The following NELL2 variants were observed in gnomAD, a reference collection of about 807,000 sequenced individuals.
NELL2 encodes neural EGFL like 2.
A neutral mutation model predicts 109.6 loss-of-function variants in NELL2; 41 were observed. The observed-to-expected ratio is 0.37, with a 90% CI of 0.29 to 0.49. The LOEUF (loss-of-function observed/expected upper bound fraction) is 0.49. Among genes scored for constraint, NELL2 ranks in the 20% least tolerant of loss-of-function variants. The pLI, the probability that NELL2 is intolerant of heterozygous loss-of-function variation, is 0.98. For missense variants in NELL2, 900 were observed against 1,008.3 expected, an observed-to-expected ratio of 0.89 and a Z score of 1.45; for synonymous variants, 355 against 344.7, an observed-to-expected ratio of 1.03 and a Z score of -0.33.
intron 2 of NELL2, among the ~76,000 whole-genome samples, chr12:44,845,600 G>C (rs1944347051): frequency 6.6e-6 from 1 of 152,098 alleles, no homozygotes; most frequent in Admixed American, 6.5e-5. Flanking sequence ...GAGAAGCTGG[G>C]GTGAAAGGCA....
chr12:44,607,867 A>G (rs1945461101), intron 14 of NELL2, among the ~76,000 whole-genome samples: 1 of 152,130 alleles, frequency 6.6e-6, no homozygotes, highest in Non-Finnish European at 1.5e-5. Flanking sequence ...CCAAGACACT[A>G]TATAACCTGT....
At chr12:44,652,955 C>T (rs1283295556) in intron 13 of NELL2, among the ~76,000 whole-genome samples, 1 of 152,120 alleles carries the variant, frequency 6.6e-6, no homozygotes, top group Non-Finnish European at 1.5e-5. Context: ...GTCACATTTC[C>T]CTCTTAAGTT....
At chr12:44,726,374 A>G (rs1036895627) in intron 9 of NELL2, among the ~76,000 whole-genome samples, 4 of 152,140 alleles carry the variant, frequency 2.6e-5, no homozygotes, top group Admixed American at 2.6e-4. Context: ...ACTGAAACCC[A>G]AAAAAGTTTG....
Position 44,510,753 on chromosome 12 carries a change from C to T in NELL2, c.2401-1769G>A, listed in dbSNP as rs1468198063. The stretch of plus-strand genomic sequence containing the variant: ...CCAGCCCCTAACATATTCCTAGAGA[C>T]AGAACTGTTCGATTGAGACTTGTAG... On this transcript the variant is annotated intron_variant, in intron 19 of 19. Transcript: ENST00000429094. Among the ~76,000 whole-genome samples the T allele has an allele frequency of 7.2e-5, 11 of 152,150 alleles. No homozygotes were observed. In the East Asian group the frequency reaches 2.1e-3, roughly 29 times the overall value.
chr12:44,586,491 GAAT>G (rs1279886599), intron 15 of NELL2, among the ~76,000 whole-genome samples: 1 of 151,836 alleles, frequency 6.6e-6, no homozygotes, highest in Non-Finnish European at 1.5e-5. Context: ...CCTCTGCTCA[GAAT>G]AATAGTGTCT....
At chr12:44,802,394 T>C (rs1566430124) in intron 3 of NELL2, among the ~76,000 whole-genome samples, 1 of 152,112 alleles carries the variant, frequency 6.6e-6, no homozygotes, top group South Asian at 2.1e-4. Context: ...AGAAGAGTCA[T>C]ATCAGGATGA....
intron 3 of NELL2, among the ~76,000 whole-genome samples, chr12:44,794,607 C>T (rs1942553649): frequency 6.6e-6 from 1 of 152,112 alleles, no homozygotes; most frequent in Admixed American, 6.5e-5. Flanking sequence ...GGCATCACAG[C>T]CTCCCATTAG....
At chr12:44,814,057 C>G (rs889413109) in intron 3 of NELL2, among the ~76,000 whole-genome samples, 1 of 152,104 alleles carries the variant, frequency 6.6e-6, no homozygotes, top group Non-Finnish European at 1.5e-5. Context: ...TTAAGGTGTT[C>G]GACCCTGGGA....
intron 2 of NELL2, among the ~76,000 whole-genome samples, chr12:44,869,607 C>G (rs11609078): frequency 0.074 from 11,337 of 152,196 alleles, 550 homozygotes; most frequent in Admixed American, 0.12. Flanking sequence ...ACAAAAAAGG[C>G]TCCTCCATAG....
chr12:44,756,241 T>C (rs893358592), intron 9 of NELL2, among the ~76,000 whole-genome samples: 9 of 152,172 alleles, frequency 5.9e-5, no homozygotes, highest in Non-Finnish European at 8.8e-5. Flanking sequence ...CTGAATCCTA[T>C]GCTTTCTGCC....
chr12:44,876,159 G>T lies in NELL2; in HGVS notation c.-290C>A, dbSNP rs187475564. 1,498 of 1,258,334 alleles carry T rather than the reference G, an allele frequency of 1.2e-3. 28 individuals carry two copies. The East Asian group carries it at 0.032, about 27-fold the overall frequency. The allele number at this position is 1,258,334 out of a possible 1,614,324, so 77.9% of individuals were successfully genotyped here. ...GGAGGGGTCGGACTCGCCCCGGCGC[G>T]GCTCCGTCGGGGAATTAGCTCCCGA... On this transcript the variant is annotated 5_prime_UTR_variant, in exon 1 of 20. Coordinates refer to ENST00000429094, the MANE Select transcript of NELL2 (RefSeq NM_001145108.2).
intron 1 of NELL2, among the ~76,000 whole-genome samples, chr12:44,899,370 C>A (rs1420272208): frequency 6.6e-6 from 1 of 152,166 alleles, no homozygotes; most frequent in Non-Finnish European, 1.5e-5. Context: ...ACAGAAACAT[C>A]AGGTTACCCA....
rs934128691 is a variant in NELL2, at chr12:44,895,260, A to C, written c.38+18539T>G. Among the ~76,000 whole-genome samples, 3 of 152,212 alleles carry C rather than the reference A, an allele frequency of 2.0e-5. No homozygotes were observed. In the South Asian group the frequency reaches 6.2e-4, roughly 32 times the overall value. On this transcript the variant is annotated intron_variant, in intron 1 of 20. Transcript: ENST00000333837. The stretch of plus-strand genomic sequence containing the variant: ...TGTGAGTGAGCATCAGCTCTGGTCA[A>C]ATGATTATATGATGAGATAACAACA...
At chr12:44,516,544 CA>C (rs1941266058) in intron 19 of NELL2, among the ~76,000 whole-genome samples, 1 of 152,102 alleles carries the variant, frequency 6.6e-6, no homozygotes, top group Non-Finnish European at 1.5e-5. Flanking sequence ...TTTTAGTTTA[CA>C]ATTAAGGTTC....
chr12:44,617,196 A>G (rs569153019), intron 13 of NELL2, among the ~76,000 whole-genome samples: 1 of 152,286 alleles, frequency 6.6e-6, no homozygotes, highest in South Asian at 2.1e-4. Context: ...GACCACAACT[A>G]AATTTGAAAG....
intron 3 of NELL2, among the ~76,000 whole-genome samples, chr12:44,814,146 G>A (rs1943261832): frequency 6.6e-6 from 1 of 152,102 alleles, no homozygotes; most frequent in Non-Finnish European, 1.5e-5. Flanking sequence ...CAAGCCTCAG[G>A]AGGAGCAGAT....
At chr12:44,526,327 C>T (rs1941771726) in intron 16 of NELL2, among the ~76,000 whole-genome samples, 1 of 152,178 alleles carries the variant, frequency 6.6e-6, no homozygotes, top group Non-Finnish European at 1.5e-5. Flanking sequence ...ATGTACCAGA[C>T]TCTGAGTACT....
intron 12 of NELL2, among the ~76,000 whole-genome samples, chr12:44,666,246 T>G (rs1285372302): frequency 6.6e-6 from 1 of 152,170 alleles, no homozygotes; most frequent in Non-Finnish European, 1.5e-5. Flanking sequence ...GAGTTTTGAG[T>G]ATGTATAATG....
intron 13 of NELL2, among the ~76,000 whole-genome samples, chr12:44,651,199 T>C (rs1360815920): frequency 1.3e-5 from 2 of 152,194 alleles, no homozygotes; most frequent in African/African-American, 4.8e-5. Context: ...TGGAAAAAAC[T>C]GTCTTCCATG....
Sources: gnomAD v4.1 joint callset for allele counts (sites outside exome capture counted in the v4.1 genomes callset) on GRCh38, gnomAD v4.1.1 for gene constraint, MANE v1.5 for transcripts, NCBI Gene and HGNC (gene_info 2026-07-23, HGNC 2026-07-21) for gene names.